Variants in SPAM1 observed in about 807,000 individuals in gnomAD.
The protein encoded by SPAM1 is hyaluronidase PH-20.
A neutral mutation model predicts 29.6 loss-of-function variants in SPAM1; 22 were observed. That is an observed-to-expected ratio of 0.74 (90% CI 0.53 to 1.06). The LOEUF is 1.06. SPAM1 is among the 50% of genes least tolerant of loss of function. SPAM1 has a pLI of 0.00. For synonymous variants in SPAM1, 194 were observed against 204.6 expected, an observed-to-expected ratio of 0.95 and a Z score of 0.44; for missense variants, 534 against 604.0, an observed-to-expected ratio of 0.88 and a Z score of 1.21.
chr7:123,947,063 AT>A (rs1808598145), intron 1 of SPAM1, among the ~76,000 whole-genome samples: 1 of 152,246 alleles, frequency 6.6e-6, no homozygotes, highest in South Asian at 2.1e-4. Flanking sequence ...TAAAAGTAGT[AT>A]TTTTCTATCA....
rs545624921 is a variant in SPAM1 at position 123,953,999 on chromosome 7, T to A, written c.429T>A (p.Ala143=). ...TGCCAGTAGACAATTTGGGAATGGC[T>A]GTTATTGACTGGGAAGAATGGAGAC... is the stretch of plus-strand genomic sequence containing the variant. The part of the protein sequence containing the change: ...FYMPVDNLGM[A]VIDWEEWRPT... Residue 143 remains alanine, a synonymous_variant, in exon 3 of 5, where the codon GCT becomes GCA. Coordinates refer to ENST00000682466, the MANE Select transcript of SPAM1 (RefSeq NM_153189.3). 43 of 1,613,686 alleles carry A rather than the reference T, an allele frequency of 2.7e-5. No homozygotes were observed. In the East Asian group the frequency reaches 6.5e-4, roughly 24 times the overall value.
intron 1 of SPAM1, among the ~76,000 whole-genome samples, chr7:123,941,531 G>A (rs1328738744): frequency 6.6e-6 from 1 of 152,168 alleles, no homozygotes; most frequent in Non-Finnish European, 1.5e-5. Context: ...ATAGGACAGA[G>A]GAAGCAATCA....
chr7:123,940,938 A>G (rs1383114613), intron 1 of SPAM1, among the ~76,000 whole-genome samples: 1 of 152,192 alleles, frequency 6.6e-6, no homozygotes, highest in Non-Finnish European at 1.5e-5. Flanking sequence ...AATATTTCCA[A>G]TTCATGTTTA....
intron 1 of SPAM1, among the ~76,000 whole-genome samples, chr7:123,930,843 C>A (rs1307544293): frequency 6.6e-6 from 1 of 152,098 alleles, no homozygotes; most frequent in Non-Finnish European, 1.5e-5. Flanking sequence ...TAGCACCCAC[C>A]ACCTAGCAAG....
At chr7:123,951,858 G>A (rs1416530094) in intron 2 of SPAM1, among the ~76,000 whole-genome samples, 1 of 152,090 alleles carries the variant, frequency 6.6e-6, no homozygotes, top group Non-Finnish European at 1.5e-5. Context: ...CTGACCTCAG[G>A]TGATCCACCT....
Position 123,954,008 on chromosome 7 carries a change from C to T in SPAM1, c.438C>T (p.Asp146=), listed in dbSNP as rs1792181009. The change falls in exon 3 of 5, where the codon GAC becomes GAT. Residue 146 remains aspartate (D), a synonymous_variant. Transcript: ENST00000682466. ...ACAATTTGGGAATGGCTGTTATTGA[C>T]TGGGAAGAATGGAGACCCACTTGGG... is the stretch of plus-strand genomic sequence containing the variant. ...PVDNLGMAVI[D]WEEWRPTWAR... The T allele has an allele frequency of 3.1e-6, 5 of 1,613,502 alleles. No individual in the cohort carries two copies.
At chr7:123,950,207 G>A (rs1427367124) in intron 2 of SPAM1, among the ~76,000 whole-genome samples, 1 of 151,924 alleles carries the variant, frequency 6.6e-6, no homozygotes, top group Non-Finnish European at 1.5e-5. Flanking sequence ...CTCTATTAGG[G>A]TACCTATGTA....
chr7:123,942,903 T>C (rs1249952804), intron 1 of SPAM1, among the ~76,000 whole-genome samples: 1 of 152,216 alleles, frequency 6.6e-6, no homozygotes, highest in Non-Finnish European at 1.5e-5. Context: ...AATTATGTCC[T>C]GTTACAAAAG....
At chr7:123,929,975 C>A (rs1808019618) in intron 1 of SPAM1, among the ~76,000 whole-genome samples, 1 of 139,058 alleles carries the variant, frequency 7.2e-6, no homozygotes, top group Non-Finnish European at 1.5e-5. Flanking sequence ...GGCTGGATTT[C>A]AGGGAGAGAA....
At position 123,953,527 on chromosome 7, in the gene SPAM1, T is replaced by C. The variant is rs1792163776; in HGVS notation, c.-44T>C. ...GCATCAGATATTGGGTAAACCAAAGTGTGTAGGAAGAAATAAATGTTTTCA... is the reference window on the plus strand; with the variant it reads ...GCATCAGATATTGGGTAAACCAAAGCGTGTAGGAAGAAATAAATGTTTTCA... On this transcript the variant is annotated 5_prime_UTR_variant, in exon 3 of 5. Transcript: ENST00000682466. The C allele has an allele frequency of 1.5e-6, 2 of 1,304,230 alleles. No individual in the cohort carries two copies. Among genetic ancestry groups the C allele is most frequent in the South Asian group, 2.9e-5 (2 of 68,774 alleles). 80.8% of individuals were successfully genotyped at this position (1,304,230 alleles called of 1,614,324 possible).
intron 1 of SPAM1, among the ~76,000 whole-genome samples, chr7:123,947,423 G>A (rs1312853299): frequency 6.6e-6 from 1 of 152,000 alleles, no homozygotes; most frequent in Non-Finnish European, 1.5e-5. Flanking sequence ...GGTGGTGTGC[G>A]CCTGTAGTCC....
intron 1 of SPAM1, among the ~76,000 whole-genome samples, chr7:123,949,565 T>C (rs1329581813): frequency 2.0e-5 from 3 of 152,196 alleles, no homozygotes; most frequent in Non-Finnish European, 2.9e-5. Context: ...TTATCATTGG[T>C]ATTGCTTATC....
intron 1 of SPAM1, among the ~76,000 whole-genome samples, chr7:123,943,168 C>T (rs180752130): frequency 3.5e-4 from 54 of 152,230 alleles, no homozygotes; most frequent in African/African-American, 7.5e-4. Flanking sequence ...GTCTTCCATG[C>T]GGTTTAGTCT....
chr7:123,966,977 G>A (rs149052006), intron 5 of SPAM1, among the ~76,000 whole-genome samples: 119 of 152,020 alleles, frequency 7.8e-4, no homozygotes, highest in African/African-American at 2.5e-3. Context: ...ATCAAGGGCC[G>A]TCTGTTAATT....
chr7:123,970,442 A>G (rs1270603001), intron 6 of SPAM1: 1 of 548,220 alleles, frequency 1.8e-6, no homozygotes, highest in East Asian at 3.3e-5. Flanking sequence ...CTGTCTTCAA[A>G]TAAGGTCACA....
At chr7:123,944,994 T>G (rs912439275) in intron 1 of SPAM1, among the ~76,000 whole-genome samples, 1 of 151,800 alleles carries the variant, frequency 6.6e-6, no homozygotes, top group African/African-American at 2.4e-5. Flanking sequence ...TCATATAAAA[T>G]TTTTTTTTCT....
chr7:123,952,394 G>T (rs1266487038), intron 2 of SPAM1, among the ~76,000 whole-genome samples: 1 of 152,062 alleles, frequency 6.6e-6, no homozygotes, highest in East Asian at 1.9e-4. Context: ...ATTTCATATA[G>T]CAGTGTACTA....
rs1347853797 is a variant in SPAM1, at chr7:123,954,347, T to C, written c.777T>C (p.Leu259=). ...LSWLWNESTA[L]YPSIYLNTQQ... ...GGTTGTGGAATGAAAGCACTGCTCT[T>C]TACCCATCCATTTATTTGAACACTC... Residue 259 remains leucine, a synonymous_variant, in exon 3 of 5, where the codon CTT becomes CTC. Transcript: ENST00000682466. The C allele has an allele frequency of 1.9e-6, 3 of 1,613,412 alleles. No individual in the cohort carries two copies. In the Admixed American group the frequency reaches 5.0e-5, roughly 27 times the overall value.
chr7:123,941,975 AAAC>A (rs1276506628), intron 1 of SPAM1, among the ~76,000 whole-genome samples: 2 of 152,170 alleles, frequency 1.3e-5, no homozygotes, highest in Non-Finnish European at 2.9e-5. Flanking sequence ...GAAGGGAGAA[AAAC>A]AACAACAAAC....
Sources: gnomAD v4.1 joint callset for allele counts (sites outside exome capture counted in the v4.1 genomes callset) on GRCh38, gnomAD v4.1.1 for gene constraint, MANE v1.5 for transcripts, NCBI Gene and HGNC (gene_info 2026-07-23, HGNC 2026-07-21) for gene names.